SBF2: variants seen among roughly 807,000 people sequenced by gnomAD.
SBF2 encodes myotubularin-related protein 13.
SBF2 carries 112 observed loss-of-function variants against 225.2 expected under a neutral mutation model. The ratio of observed to expected loss-of-function variants is 0.50; its 90% CI spans 0.43 to 0.58. The LOEUF (loss-of-function observed/expected upper bound fraction) is 0.58, where lower values mean the gene tolerates loss of function less well. Among genes scored for constraint, SBF2 ranks in the 20% least tolerant of loss-of-function variants. The pLI is 0.00. For synonymous variants in SBF2, 763 were observed against 773.3 expected (o/e 0.99, Z 0.22); for missense variants, 1,996 against 2,206.2 (o/e 0.90, Z 1.91).
chr11:9,993,384 A>G (rs1185702922), intron 10 of SBF2, among the ~76,000 whole-genome samples: 3 of 139,662 alleles, frequency 2.1e-5, no homozygotes, highest in Non-Finnish European at 1.6e-5. Flanking sequence ...ATGCTTAAGT[A>G]TATGTGTTCA....
At chr11:10,101,980 G>C (rs1952328415) in intron 2 of SBF2, among the ~76,000 whole-genome samples, 1 of 152,022 alleles carries the variant, frequency 6.6e-6, no homozygotes. Flanking sequence ...ATGTCCTTAA[G>C]AGCTTAACCT....
chr11:10,068,534 T>C (rs762361915), intron 2 of SBF2, among the ~76,000 whole-genome samples: 4 of 152,232 alleles, frequency 2.6e-5, no homozygotes, highest in Non-Finnish European at 4.4e-5. Flanking sequence ...TGCTATTTAC[T>C]TAGCTGTGTG....
chr11:9,993,033 T>C lies in SBF2; in HGVS notation c.1124A>G (p.Gln375Arg), dbSNP rs770153492. The change falls in exon 11 of 40, where the codon CAA becomes CGA. Residue 375 changes from glutamine (Q) to arginine (R), a missense_variant. Coordinates refer to ENST00000256190, the MANE Select transcript of SBF2 (RefSeq NM_030962.4). ...TGGCTCTGCATGAATTCTTATAAGT[T>C]GCAGGCAGGATCTATATCCTTGGAA... ...QLFQGYRSCL[Q>R]LIRIHAEPVI... is the part of the protein sequence containing the mutation. The C allele has an allele frequency of 3.7e-5, 59 of 1,612,690 alleles. No homozygotes were observed. Among genetic ancestry groups the C allele is most frequent in the Non-Finnish European group, 4.9e-5 (58 of 1,179,662 alleles).
intron 2 of SBF2, among the ~76,000 whole-genome samples, chr11:10,170,460 T>C (rs188413766): frequency 2.0e-5 from 3 of 152,270 alleles, no homozygotes; most frequent in Admixed American, 1.3e-4. Context: ...TGTCTCTGGA[T>C]TCTCTATTCT....
chr11:9,898,178 C>A (rs905029286), intron 16 of SBF2, among the ~76,000 whole-genome samples: 1 of 152,034 alleles, frequency 6.6e-6, no homozygotes, highest in African/African-American at 2.4e-5. Context: ...TAGTACTGCC[C>A]TGAGGAAAAA....
At chr11:9,900,855 G>T (rs2068259249) in intron 16 of SBF2, among the ~76,000 whole-genome samples, 1 of 152,032 alleles carries the variant, frequency 6.6e-6, no homozygotes, top group Admixed American at 6.5e-5. Context: ...TCCTGCCTCA[G>T]CCTTCCAAGT....
chr11:9,850,835 C>G (rs1175928870), intron 21 of SBF2, among the ~76,000 whole-genome samples: 2 of 152,150 alleles, frequency 1.3e-5, no homozygotes, highest in African/African-American at 4.8e-5. Flanking sequence ...TATGTGTTAA[C>G]ATGGAAAAAT....
At chr11:9,881,742 C>A (rs1269481441) in intron 17 of SBF2, among the ~76,000 whole-genome samples, 1 of 151,900 alleles carries the variant, frequency 6.6e-6, no homozygotes, top group East Asian at 1.9e-4. Context: ...CCCCATCCCC[C>A]CCCAATTAAA....
At chr11:10,098,450 G>A (rs958148402) in intron 2 of SBF2, among the ~76,000 whole-genome samples, 1 of 149,786 alleles carries the variant, frequency 6.7e-6, no homozygotes, top group Non-Finnish European at 1.5e-5. Context: ...ATGTGAAGAT[G>A]GCAAGGCAAG....
At chr11:10,028,383 CG>C in intron 6 of SBF2, 68 bp downstream of exon 6, 3 of 971,026 alleles carry the variant, frequency 3.1e-6, no homozygotes, top group Non-Finnish European at 5.1e-6. Context: ...GAGGTGATGT[CG>C]ACTTAAAATA....
At chr11:9,933,829 T>C (rs543527417) in intron 16 of SBF2, among the ~76,000 whole-genome samples, 12 of 152,104 alleles carry the variant, frequency 7.9e-5, no homozygotes, top group East Asian at 1.9e-4. Flanking sequence ...CTGAAAGAGA[T>C]AGAGACACAA....
intron 2 of SBF2, among the ~76,000 whole-genome samples, chr11:10,116,005 A>G (rs1437884297): frequency 2.6e-5 from 4 of 151,984 alleles, no homozygotes; most frequent in Non-Finnish European, 4.4e-5. Flanking sequence ...TCTCTACTAA[A>G]AAAATACAAA....
chr11:10,135,154 C>A (rs183939564), intron 2 of SBF2, among the ~76,000 whole-genome samples: 8 of 152,366 alleles, frequency 5.3e-5, no homozygotes, highest in Non-Finnish European at 8.8e-5. Flanking sequence ...CTTGCAGCCT[C>A]TGAAGCCACA....
At chr11:10,258,109 C>T (rs1591319117) in intron 1 of SBF2, among the ~76,000 whole-genome samples, 3 of 133,512 alleles carry the variant, frequency 2.2e-5, no homozygotes, top group South Asian at 2.4e-4. Context: ...CACACACACA[C>T]TTTTTTTTTT....
chr11:10,254,878 G>A (rs1426225202), intron 1 of SBF2, among the ~76,000 whole-genome samples: 2 of 97,812 alleles, frequency 2.0e-5, no homozygotes, highest in African/African-American at 7.9e-5. Context: ...TCCAGCCTGG[G>A]TGACAGAGTG....
chr11:9,929,130 G>C (rs1864284171), intron 16 of SBF2: 1 of 273,186 alleles, frequency 3.7e-6, no homozygotes, highest in Non-Finnish European at 7.1e-6. Context: ...AATCATCAAA[G>C]CTCATCCTTT....
At chr11:10,059,946 C>T (rs1950371197) in intron 2 of SBF2, among the ~76,000 whole-genome samples, 1 of 152,088 alleles carries the variant, frequency 6.6e-6, no homozygotes, top group Admixed American at 6.5e-5. Flanking sequence ...CTCAAATTAA[C>T]AACCTAACTT....
intron 13 of SBF2, among the ~76,000 whole-genome samples, chr11:9,980,542 C>T (rs1276008518): frequency 6.6e-6 from 1 of 151,944 alleles, no homozygotes; most frequent in Non-Finnish European, 1.5e-5. Flanking sequence ...TATCTATTTC[C>T]AGAATTTATA....
intron 19 of SBF2, among the ~76,000 whole-genome samples, chr11:9,854,920 G>T (rs1303326979): frequency 1.3e-5 from 2 of 152,168 alleles, no homozygotes; most frequent in Admixed American, 1.3e-4. Context: ...GTAAAATATA[G>T]TTATTGCTTG....
Sources: allele counts gnomAD v4.1 joint callset (sites outside exome capture counted in the v4.1 genomes callset), GRCh38; gene constraint gnomAD v4.1.1; transcripts MANE v1.5; gene names NCBI Gene and HGNC (gene_info 2026-07-23, HGNC 2026-07-21).